Variants in XG observed in about 807,000 individuals in gnomAD.
The protein encoded by XG is glycoprotein Xg.
In XG, 24 loss-of-function variants were observed where a neutral mutation model predicts 25.7. The observed-to-expected ratio is 0.93, with a 90% confidence interval of 0.68 to 1.31. The LOEUF is 1.31. Ranked by LOEUF, XG falls within the 40% of genes most tolerant of loss-of-function variation. The pLI is 0.00. For synonymous variants in XG, 77 were observed against 69.2 expected (o/e 1.11, Z -0.56); for missense variants, 181 against 187.6 (o/e 0.96, Z 0.21).
At chrX:2,806,283 C>T (rs1264630199) in intron 7 of XG, among the ~76,000 whole-genome samples, 1 of 111,210 alleles carries the variant, frequency 9.0e-6, no homozygotes, top group Non-Finnish European at 1.9e-5. Flanking sequence ...ACCGCCTTAG[C>T]CTCCCAAAGT....
intron 1 of XG, among the ~76,000 whole-genome samples, chrX:2,756,494 A>G (rs1037636601): frequency 6.6e-6 from 1 of 152,234 alleles, no homozygotes; most frequent in Non-Finnish European, 1.5e-5. Context: ...GTGGATGGAT[A>G]TCCCAAGTAG....
chrX:2,814,473 C>G lies in XG; in HGVS notation c.*93C>G. 9.4e-7 allele frequency: 1 copy of G among 1,061,948 alleles called. No homozygotes were observed. The highest frequency in any genetic ancestry group is 1.3e-6 in the Non-Finnish European group (1 of 784,159). 87.5% of individuals were successfully genotyped at this position (1,061,948 alleles called of 1,213,427 possible). ...TGGAGATTTCCTTTTATTCTTGACA[C>G]AATTTGATGACCTAAAGTGTGTTTT... On this transcript the variant is annotated 3_prime_UTR_variant, in exon 11 of 11. Transcript: ENST00000644266.
chrX:2,799,097 C>T (rs2086912225), intron 7 of XG, among the ~76,000 whole-genome samples: 1 of 110,796 alleles, frequency 9.0e-6, no homozygotes. Flanking sequence ...TCTTTTTTAA[C>T]TTTGATGTTA....
chrX:2,792,357 C>T (rs1349396025), intron 5 of XG, among the ~76,000 whole-genome samples: 1 of 110,257 alleles, frequency 9.1e-6, no homozygotes, highest in African/African-American at 3.3e-5. Context: ...TTCTTTGAGT[C>T]AGGGACTTGC....
At chrX:2,782,018 G>A in intron 3 of XG, 48 bp from the exon 4 acceptor site, 1 of 1,169,166 alleles carries the variant, frequency 8.6e-7, no homozygotes, top group East Asian at 3.0e-5. Context: ...TGCTCCTAAG[G>A]GAAGGACAAT....
intron 9 of XG, among the ~76,000 whole-genome samples, chrX:2,809,253 A>G (rs2087032231): frequency 9.0e-6 from 1 of 111,597 alleles, no homozygotes; most frequent in African/African-American, 3.3e-5. Flanking sequence ...GAACCAGGGA[A>G]GGATGCAATG....
chrX:2,784,446 T>C (rs1244310835), intron 4 of XG, among the ~76,000 whole-genome samples: 2 of 109,823 alleles, frequency 1.8e-5, no homozygotes, highest in African/African-American at 3.3e-5. Context: ...AGTCGTGGCC[T>C]GTAGTCCCAG....
intron 7 of XG, among the ~76,000 whole-genome samples, chrX:2,803,809 C>T (rs1187876912): frequency 1.8e-5 from 2 of 111,420 alleles, no homozygotes; most frequent in Non-Finnish European, 3.8e-5. Context: ...AGAGGCTGCA[C>T]GACCCCTAAA....
At chrX:2,777,822 A>T (rs1375670828) in intron 3 of XG, among the ~76,000 whole-genome samples, 9 of 152,252 alleles carry the variant, frequency 5.9e-5, no homozygotes, top group African/African-American at 2.2e-4. Flanking sequence ...GCACTGTAGG[A>T]AGCCGAGGCG....
intron 1 of XG, among the ~76,000 whole-genome samples, chrX:2,763,680 C>T (rs1388628693): frequency 6.6e-6 from 1 of 152,172 alleles, no homozygotes; most frequent in African/African-American, 2.4e-5. Flanking sequence ...CAATGTATAG[C>T]CTGCATGTAT....
At chrX:2,797,392 TGGAGGGTGGGA>T in intron 7 of XG, 32 bp downstream of exon 7, 1 of 1,134,672 alleles carries the variant, frequency 8.8e-7, no homozygotes, top group Non-Finnish European at 1.2e-6. Flanking sequence ...CGATGGTGGG[TGGAGGGTGGGA>T]GGGGTCATCT....
At chrX:2,802,199 G>C (rs1032845894) in intron 7 of XG, among the ~76,000 whole-genome samples, 9 of 110,497 alleles carry the variant, frequency 8.1e-5, no homozygotes, top group African/African-American at 3.0e-4. Context: ...TTGTTACCCA[G>C]GCTGGACTGC....
chrX:2,781,065 GCAGGCCAGGTCT>G (rs1192226869), intron 3 of XG, among the ~76,000 whole-genome samples: 27 of 151,950 alleles, frequency 1.8e-4, no homozygotes, highest in African/African-American at 6.0e-4. Context: ...TGGAAGTGTC[GCAGGCCAGGTCT>G]CACTAACACA....
rs1555893441 is a variant in XG, at chrX:2,811,499, T to TG, written c.571+47_571+48insG. The TG allele has an allele frequency of 1.8e-5, 12 of 662,753 alleles. No homozygotes were observed. In the South Asian group the frequency reaches 4.2e-4, roughly 23 times the overall value. 54.6% of individuals were successfully genotyped at this position (662,753 alleles called of 1,213,427 possible). ...GTTTTGCTTGTTACTAAGCCTGATTTAAAAAAAAAAATTACTTTCAGATGT... is the reference window on the plus strand; with the variant it reads ...GTTTTGCTTGTTACTAAGCCTGATTTGAAAAAAAAAAATTACTTTCAGATGT... On this transcript the variant is annotated intron_variant, in intron 10 of 10. Transcript: ENST00000644266.
At chrX:2,803,852 G>GT (rs962567768) in intron 7 of XG, among the ~76,000 whole-genome samples, 2 of 110,440 alleles carry the variant, frequency 1.8e-5, no homozygotes, top group Admixed American at 1.9e-4. Context: ...TTCTTTTTTT[G>GT]TTTTTTTCGA....
At chrX:2,775,524 A>T (rs756541822) in intron 3 of XG, among the ~76,000 whole-genome samples, 1 of 152,324 alleles carries the variant, frequency 6.6e-6, no homozygotes, top group East Asian at 1.9e-4. Flanking sequence ...TTTTGGGGGA[A>T]CGAAAGCATT....
chrX:2,805,821 C>T (rs1400681070), intron 7 of XG, among the ~76,000 whole-genome samples: 2 of 111,341 alleles, frequency 1.8e-5, no homozygotes, highest in African/African-American at 6.5e-5. Context: ...TCTCTAAGGA[C>T]GTTGTGTTCA....
intron 2 of XG, among the ~76,000 whole-genome samples, chrX:2,772,283 A>G (rs1385536181): frequency 6.6e-6 from 1 of 152,222 alleles, no homozygotes; most frequent in African/African-American, 2.4e-5. Context: ...TGCAGCAGCA[A>G]TATTCACAAT....
chrX:2,813,000 G>C (rs1168439105), intron 10 of XG, among the ~76,000 whole-genome samples: 1 of 112,048 alleles, frequency 8.9e-6, no homozygotes. Flanking sequence ...AAAATCATTG[G>C]AATGGGGGCC....
Sources: allele counts gnomAD v4.1 joint callset (sites outside exome capture counted in the v4.1 genomes callset), GRCh38; gene constraint gnomAD v4.1.1; transcripts MANE v1.5; gene names NCBI Gene and HGNC (gene_info 2026-07-23, HGNC 2026-07-21).